The following TNS3 variants were observed in gnomAD, a reference collection of about 807,000 sequenced individuals.
TNS3 encodes the protein tensin-3.
In TNS3, 45 loss-of-function variants were observed where a neutral mutation model predicts 140.9. That is an observed-to-expected ratio of 0.32 (90% CI 0.25 to 0.41). The LOEUF (loss-of-function observed/expected upper bound fraction) is 0.41, where lower values mean the gene tolerates loss of function less well. Ranked by LOEUF, TNS3 falls within the 10% of genes least tolerant of loss-of-function variation. TNS3 has a pLI of 1.00. For missense variants in TNS3, 1,716 were observed against 1,906.7 expected, an observed-to-expected ratio of 0.90 and a Z score of 1.86; for synonymous variants, 815 against 788.4, an observed-to-expected ratio of 1.03 and a Z score of -0.56.
intron 16 of TNS3, among the ~76,000 whole-genome samples, chr7:47,375,141 A>C (rs558988575): frequency 4.6e-4 from 70 of 152,368 alleles, no homozygotes; most frequent in African/African-American, 1.6e-3. Flanking sequence ...CTGCAAATTC[A>C]GAACCTAATC....
chr7:47,343,299 C>G (rs1789125192), intron 20 of TNS3, among the ~76,000 whole-genome samples: 1 of 152,220 alleles, frequency 6.6e-6, no homozygotes, highest in African/African-American at 2.4e-5. Flanking sequence ...GCCTCCTAGA[C>G]CCTTCTGGAG....
rs74418121 is a variant in TNS3 at position 47,563,108 on chromosome 7, C to G, written c.-265+18943G>C. On this transcript the variant is annotated intron_variant, in intron 1 of 30. Coordinates refer to ENST00000311160, the MANE Select transcript of TNS3 (RefSeq NM_022748.12). ...CCTGGGCATCCCCGGGCCAGGCCCT[C>G]TGCCTGGGCACACAAGGATCATCCA... 3.8e-3 allele frequency among the ~76,000 whole-genome samples: 586 copies of G among 152,342 alleles called. 6 individuals carry two copies. The highest frequency in any genetic ancestry group is 0.013 in the African/African-American group (550 of 41,594).
chr7:47,336,255 T>C lies in TNS3; in HGVS notation c.2650+8500A>G, dbSNP rs116837667. Among the ~76,000 whole-genome samples, 637 of 151,040 alleles carry C rather than the reference T, an allele frequency of 4.2e-3. 2 individuals are homozygous for C. Among genetic ancestry groups the C allele is most frequent in the African/African-American group, 0.015 (599 of 41,012 alleles). On this transcript the variant is annotated intron_variant, in intron 20 of 30. Transcript: ENST00000311160. ...GTGTGTCAGGGAAGCTTGGGGCCGA[T>C]GGAGGGGTTGATTCATAACGTTTGC...
At chr7:47,399,080 G>GAAA (rs55834937) in intron 15 of TNS3, among the ~76,000 whole-genome samples, 6 of 93,600 alleles carry the variant, frequency 6.4e-5, no homozygotes, top group African/African-American at 1.5e-4. Flanking sequence ...TACGACAGCT[G>GAAA]AAAAAAAAAA....
At chr7:47,525,217 C>T (rs1799148989) in intron 2 of TNS3, among the ~76,000 whole-genome samples, 1 of 152,174 alleles carries the variant, frequency 6.6e-6, no homozygotes, top group Admixed American at 6.5e-5. Context: ...GGAGGTGACG[C>T]TCTAGGTGTC....
intron 29 of TNS3, 32 bp from the exon 30 acceptor site, chr7:47,280,222 T>C (rs750631731): frequency 5.4e-5 from 87 of 1,613,864 alleles, no homozygotes; most frequent in Non-Finnish European, 7.0e-5. Flanking sequence ...CAGAGGTTAA[T>C]TTTTTTAAAC....
At chr7:47,526,938 T>C (rs1799214347) in intron 2 of TNS3, among the ~76,000 whole-genome samples, 1 of 152,122 alleles carries the variant, frequency 6.6e-6, no homozygotes, top group South Asian at 2.1e-4. Context: ...AATTTTAAAA[T>C]ATGAGCATTT....
At chr7:47,461,355 C>T (rs1274185818) in intron 4 of TNS3, among the ~76,000 whole-genome samples, 1 of 152,260 alleles carries the variant, frequency 6.6e-6, no homozygotes, top group Non-Finnish European at 1.5e-5. Flanking sequence ...TCTGCTGTCT[C>T]CCTGTTCGTT....
chr7:47,348,612 C>T (rs1313409709), intron 17 of TNS3, among the ~76,000 whole-genome samples: 1 of 152,170 alleles, frequency 6.6e-6, no homozygotes, highest in African/African-American at 2.4e-5. Context: ...ACATTGTATA[C>T]ATTTATCAAA....
chr7:47,404,231 A>T (rs191817125), intron 13 of TNS3, among the ~76,000 whole-genome samples: 30 of 152,352 alleles, frequency 2.0e-4, no homozygotes, highest in Admixed American at 1.5e-3. Flanking sequence ...CGTGGGTGTG[A>T]TGTTGACATC....
At chr7:47,508,391 A>C (rs1223235602) in intron 2 of TNS3, among the ~76,000 whole-genome samples, 1 of 152,242 alleles carries the variant, frequency 6.6e-6, no homozygotes, top group Non-Finnish European at 1.5e-5. Flanking sequence ...AAAGGTGATC[A>C]GTGATTTTCA....
intron 16 of TNS3, among the ~76,000 whole-genome samples, chr7:47,382,930 T>G (rs1791858308): frequency 6.6e-6 from 1 of 152,030 alleles, no homozygotes; most frequent in African/African-American, 2.4e-5. Context: ...TCTCTGAAAA[T>G]AGCAAGCGGG....
At chr7:47,370,905 C>A (rs1791032375) in intron 16 of TNS3, among the ~76,000 whole-genome samples, 1 of 152,246 alleles carries the variant, frequency 6.6e-6, no homozygotes, top group Non-Finnish European at 1.5e-5. Context: ...GGTTGATGCA[C>A]CACCATGGTC....
chr7:47,527,159 C>A (rs1175296955), intron 2 of TNS3, among the ~76,000 whole-genome samples: 1 of 152,058 alleles, frequency 6.6e-6, no homozygotes, highest in Admixed American at 6.6e-5. Context: ...ATGGCGTGAA[C>A]CTGGGAGGCA....
rs1158960232 is a variant in TNS3 at position 47,386,392 on chromosome 7, A to G, written c.1024+10408T>C. The stretch of plus-strand genomic sequence containing the variant: ...GTCAATGGCTTTCCCTGCACTTCGC[A>G]TCAGTCTCTCGGGCCCTAGGGATTT... On this transcript the variant is annotated intron_variant, in intron 16 of 30. Transcript: ENST00000311160. Among the ~76,000 whole-genome samples the G allele has an allele frequency of 2.0e-5, 3 of 152,238 alleles. No homozygotes were observed. In the East Asian group the frequency reaches 5.8e-4, roughly 29 times the overall value.
chr7:47,522,393 C>T (rs77435728), intron 2 of TNS3, among the ~76,000 whole-genome samples: 3,560 of 152,174 alleles, frequency 0.023, 147 homozygotes, highest in African/African-American at 0.081. Context: ...ACGTAACTTC[C>T]GACCCCCCAG....
At chr7:47,283,899 C>A in intron 27 of TNS3, 34 bp from the exon 28 acceptor site, 1 of 1,534,924 alleles carries the variant, frequency 6.5e-7, no homozygotes, top group Non-Finnish European at 8.8e-7. Context: ...ATGTTAGTTG[C>A]AACTATTGGG....
chr7:47,573,486 T>C (rs1800605161), intron 1 of TNS3, among the ~76,000 whole-genome samples: 1 of 152,232 alleles, frequency 6.6e-6, no homozygotes, highest in African/African-American at 2.4e-5. Flanking sequence ...CTACCTTGTG[T>C]CTTTGTATTC....
intron 1 of TNS3, among the ~76,000 whole-genome samples, chr7:47,553,900 G>A (rs1486968045): frequency 6.6e-6 from 1 of 151,948 alleles, no homozygotes; most frequent in South Asian, 2.1e-4. Flanking sequence ...CCACCTCGAG[G>A]TTCAAGCGAT....
Sources: allele counts gnomAD v4.1 joint callset (sites outside exome capture counted in the v4.1 genomes callset), GRCh38; gene constraint gnomAD v4.1.1; transcripts MANE v1.5; gene names NCBI Gene and HGNC (gene_info 2026-07-23, HGNC 2026-07-21).